BCOR: variants seen among roughly 807,000 people sequenced by gnomAD.
BCOR encodes BCL-6 corepressor.
BCOR carries 10 observed loss-of-function variants against 86.7 expected under a neutral mutation model. That is an observed-to-expected ratio of 0.12 (90% CI 0.07 to 0.20). BCOR has a LOEUF of 0.20. Ranked by LOEUF, BCOR falls within the 10% of genes least tolerant of loss-of-function variation. BCOR has a pLI of 1.00. For missense variants in BCOR, 1,259 were observed against 1,452.1 expected (o/e 0.87, Z 2.16); for synonymous variants, 611 against 609.0 (o/e 1.00, Z -0.05).
At chrX:40,168,392 C>G (rs1414912145) in intron 1 of BCOR, among the ~76,000 whole-genome samples, 3 of 112,631 alleles carry the variant, frequency 2.7e-5, no homozygotes, top group Non-Finnish European at 1.9e-5. Context: ...AAGCCTCGGC[C>G]GAGCTGGGGC....
At chrX:40,098,606 G>C (rs1033696905), upstream of BCOR, among the ~76,000 whole-genome samples, 1 of 111,421 alleles carries the variant, frequency 9.0e-6, no homozygotes, top group Admixed American at 9.3e-5. Flanking sequence ...AGCGGCAGCA[G>C]CCGCTGCCGC....
At chrX:40,090,717 T>A in intron 1 of BCOR, among the ~76,000 whole-genome samples, 1 of 111,955 alleles carries the variant, frequency 8.9e-6, no homozygotes, top group Non-Finnish European at 1.9e-5. Flanking sequence ...AAAAGTCTAA[T>A]GCTCCGGGAA....
At chrX:40,154,581 G>C (rs1287840925) in intron 1 of BCOR, among the ~76,000 whole-genome samples, 9 of 85,667 alleles carry the variant, frequency 1.1e-4, no homozygotes, top group Admixed American at 2.7e-4. Flanking sequence ...TTTTCTCTAC[G>C]TCCCCCCCAC....
chrX:40,175,849 CAAG>C (rs1197537728), intron 1 of BCOR, among the ~76,000 whole-genome samples: 1 of 113,056 alleles, frequency 8.8e-6, no homozygotes, highest in Non-Finnish European at 1.9e-5. Flanking sequence ...GGAAACTTTG[CAAG>C]AAGACTGTTC....
chrX:40,149,226 G>C (rs1938122314), intron 1 of BCOR, among the ~76,000 whole-genome samples: 1 of 110,940 alleles, frequency 9.0e-6, no homozygotes, highest in African/African-American at 3.3e-5. Context: ...AGGATGCCTT[G>C]CGTCCAACTG....
At position 40,152,701 on chromosome X, in the gene BCOR, C is replaced by T. The variant is rs915890666; in HGVS notation, c.-41+24306G>A. On this transcript the variant is annotated intron_variant, in intron 1 of 14. Coordinates refer to the BCOR transcript ENST00000342274. ...CCCCGGAGCCAGCGTTCTGAATCTG[C>T]AGGAGTGCGGGGTGCTGCGGGGAGG... Among the ~76,000 whole-genome samples, 10 of 113,064 alleles carry T rather than the reference C, an allele frequency of 8.8e-5. No homozygotes were observed. The East Asian group carries it at 2.8e-3, about 32-fold the overall frequency.
rs1473968635 is a variant in BCOR, at chrX:40,073,663, C to T, written c.1683G>A (p.Val561=). Residue 561 remains valine, a synonymous_variant, in exon 4 of 15, where the codon GTG becomes GTA. Coordinates refer to ENST00000378444, the MANE Select transcript of BCOR (RefSeq NM_001123385.2). ...CGGAGGCTGGGCGGCCTGCACTCGA[C>T]ACTGACCCTGAAACGTTAGTGATGA... ...DAVITNVSGS[V]SSAGRPASAS... is the part of the protein sequence containing the mutation. 8.3e-7 allele frequency: 1 copy of T among 1,211,573 alleles called. No individual in the cohort carries two copies. The highest frequency in any genetic ancestry group is 3.0e-5 in the East Asian group (1 of 33,806).
intron 1 of BCOR, among the ~76,000 whole-genome samples, chrX:40,090,800 G>C (rs765053438): frequency 1.5e-3 from 168 of 111,777 alleles, no homozygotes; most frequent in African/African-American, 5.1e-3. Context: ...CTCTTCAAAT[G>C]CAAGAGGTTT....
chrX:40,128,286 CT>C (rs1245332898), intron 1 of BCOR, among the ~76,000 whole-genome samples: 1 of 110,797 alleles, frequency 9.0e-6, no homozygotes, highest in Non-Finnish European at 1.9e-5. Flanking sequence ...CGGCTCACAG[CT>C]GTAATCCCAG....
chrX:40,063,110 G>GGGGGGGGGGGGGGGGGGGT, intron 8 of BCOR, 39 bp from the exon 9 acceptor site: 1 of 644,549 alleles, frequency 1.6e-6, no homozygotes, highest in Non-Finnish European at 2.2e-6. Flanking sequence ...GGGCGGATGG[G>GGGGGGGGGGGGGGGGGGGT]AGACGGGAGA....
intron 1 of BCOR, among the ~76,000 whole-genome samples, chrX:40,112,452 C>T (rs1699052940): frequency 8.9e-6 from 1 of 112,020 alleles, no homozygotes; most frequent in Admixed American, 9.5e-5. Context: ...ACTATTAATC[C>T]TTACAACTGC....
intron 1 of BCOR, among the ~76,000 whole-genome samples, chrX:40,139,436 A>G (rs1357026327): frequency 2.5e-4 from 5 of 20,290 alleles, no homozygotes; most frequent in African/African-American, 2.1e-3. Flanking sequence ...ATATATATAT[A>G]TATATATATA....
rs1171295085 is a variant in BCOR, at chrX:40,074,549, C to T, written c.797G>A (p.Arg266Lys). Reference sequence around the variant, plus strand: ...TGGGGAGGCCGAAGGTGTCGAGAGCCTCATGGGTGATGCCAAGGACGATGG... The same window carrying T: ...TGGGGAGGCCGAAGGTGTCGAGAGCTTCATGGGTGATGCCAAGGACGATGG... ...HIPSSLASPM[R>K]LSTPSASPAI... Residue 266 changes from arginine to lysine, a missense_variant, in exon 4 of 15, where the codon AGG becomes AAG. Physicochemically the swap from Arg to Lys is conservative, Grantham distance 26. This residue lies in a region of BCOR where 534 missense variants were observed against 594.8 expected (regional missense o/e 0.90). Transcript: ENST00000378444. 8.3e-7 allele frequency: 1 copy of T among 1,210,724 alleles called. No homozygotes were observed. Among genetic ancestry groups the T allele is most frequent in the Admixed American group, 2.2e-5 (1 of 45,976 alleles).
intron 1 of BCOR, among the ~76,000 whole-genome samples, chrX:40,084,165 C>T (rs890749438): frequency 2.7e-5 from 3 of 111,685 alleles, no homozygotes; most frequent in Non-Finnish European, 5.7e-5. Context: ...CGTTGGGGTC[C>T]GGGGTGGAAT....
chrX:40,079,720 G>A lies in BCOR; in HGVS notation c.-40-1751C>T, dbSNP rs368303884. 5.4e-5 allele frequency among the ~76,000 whole-genome samples: 6 copies of A among 111,429 alleles called. No individual in the cohort carries two copies. The South Asian group carries it at 1.9e-3, about 36-fold the overall frequency. On this transcript the variant is annotated intron_variant, in intron 1 of 14. Transcript: ENST00000378444. ...CTAGCCACAGCGCCCCCAAAGGACCGACTCGGCTGTTGGGGAAGGTTCTAT... is the reference window on the plus strand; with the variant it reads ...CTAGCCACAGCGCCCCCAAAGGACCAACTCGGCTGTTGGGGAAGGTTCTAT...
intron 1 of BCOR, among the ~76,000 whole-genome samples, chrX:40,088,698 A>G (rs1191749155): frequency 8.9e-6 from 1 of 112,121 alleles, no homozygotes; most frequent in South Asian, 3.7e-4. Flanking sequence ...TAAAAGAAGC[A>G]ATCCCTGGCA....
intron 1 of BCOR, among the ~76,000 whole-genome samples, chrX:40,105,147 C>G (rs1248083805): frequency 9.0e-6 from 1 of 110,764 alleles, no homozygotes; most frequent in African/African-American, 3.3e-5. Context: ...GGCGCGCGGC[C>G]GTTCCCGCGG....
chrX:40,131,207 C>T (rs779564315), intron 1 of BCOR, among the ~76,000 whole-genome samples: 23 of 112,223 alleles, frequency 2.0e-4, no homozygotes, highest in Non-Finnish European at 4.1e-4. Context: ...TGAGCTTGCA[C>T]TTGAGATCAG....
upstream of BCOR, among the ~76,000 whole-genome samples, chrX:40,099,999 C>T (rs1225723502): frequency 8.9e-6 from 1 of 111,788 alleles, no homozygotes; most frequent in Non-Finnish European, 1.9e-5. Flanking sequence ...CCAACCCACA[C>T]ATTTTTTTAA....
Sources: allele counts gnomAD v4.1 joint callset (sites outside exome capture counted in the v4.1 genomes callset), GRCh38; gene constraint gnomAD v4.1.1; regional missense constraint gnomAD v4.1.1; transcripts MANE v1.5; gene names NCBI Gene and HGNC (gene_info 2026-07-23, HGNC 2026-07-21).